Variants in KATNA1 observed in about 807,000 individuals in gnomAD.
The protein encoded by KATNA1 is katanin p60 ATPase-containing subunit A1.
Under a neutral mutation model 62.6 loss-of-function variants are expected in KATNA1, and 42 were observed. The observed-to-expected ratio is 0.67, with a 90% CI of 0.52 to 0.87. The LOEUF (loss-of-function observed/expected upper bound fraction) is 0.87, where lower values mean the gene tolerates loss of function less well. Ranked by LOEUF, KATNA1 falls within the 40% of genes least tolerant of loss-of-function variation. The pLI is 0.00. For synonymous variants in KATNA1, 186 were observed against 201.9 expected (o/e 0.92, Z 0.67); for missense variants, 498 against 612.5 (o/e 0.81, Z 1.97).
At chr6:149,600,359 G>T (rs540675043) in intron 7 of KATNA1, among the ~76,000 whole-genome samples, 2 of 151,966 alleles carry the variant, frequency 1.3e-5, no homozygotes. Context: ...AAGGCCAGGC[G>T]CAGTGGCTCA....
At chr6:149,627,950 G>T (rs1779682180) in intron 3 of KATNA1, among the ~76,000 whole-genome samples, 1 of 151,864 alleles carries the variant, frequency 6.6e-6, no homozygotes, top group African/African-American at 2.4e-5. Context: ...GGTCTCATAG[G>T]GCTTGAAAGA....
intron 2 of KATNA1, 23 bp from the exon 3 acceptor site, chr6:149,632,939 A>G (rs762502614): frequency 1.9e-6 from 3 of 1,578,854 alleles, no homozygotes; most frequent in Non-Finnish European, 2.6e-6. Context: ...AAGAAGATGG[A>G]TGTTTAAATT....
Position 149,612,447 on chromosome 6 carries a change from T to A in KATNA1, c.502-7665A>T, listed in dbSNP as rs560754232. ...TCTATTGAACCCAGGAGGCGGAGGT[T>A]GCAGTGAGCCAAGATCGCGCCACTG... On this transcript the variant is annotated intron_variant, in intron 4 of 10. Coordinates refer to ENST00000367411, the MANE Select transcript of KATNA1 (RefSeq NM_007044.4). 2.0e-5 allele frequency among the ~76,000 whole-genome samples: 3 copies of A among 152,246 alleles called. No individual in the cohort carries two copies. The East Asian group carries it at 5.8e-4, about 29-fold the overall frequency.
intron 1 of KATNA1, among the ~76,000 whole-genome samples, chr6:149,647,863 G>T (rs1044440279): frequency 1.3e-5 from 2 of 152,152 alleles, no homozygotes; most frequent in African/African-American, 4.8e-5. Flanking sequence ...TTAAATAAGA[G>T]CTTGAGATTA....
rs143896384 is a variant in KATNA1 at position 149,630,376 on chromosome 6, C to A, written c.320+2383G>T. 4.2e-3 allele frequency among the ~76,000 whole-genome samples: 639 copies of A among 152,328 alleles called. 5 individuals are homozygous for A. The highest frequency in any genetic ancestry group is 0.015 in the African/African-American group (614 of 41,578). On this transcript the variant is annotated intron_variant, in intron 3 of 10. Coordinates refer to ENST00000367411, the MANE Select transcript of KATNA1 (RefSeq NM_007044.4). ...GGGTGCGGTGGCTCACGCCTATAAT[C>A]CCAACATTTTGGGAGGCCAAGGCGA...
intron 3 of KATNA1, among the ~76,000 whole-genome samples, chr6:149,626,909 G>A (rs928854326): frequency 2.0e-5 from 3 of 151,720 alleles, no homozygotes; most frequent in Non-Finnish European, 2.9e-5. Context: ...GCTTGAACCC[G>A]GGAGGCGGAG....
chr6:149,641,547 A>T (rs1780291153), intron 1 of KATNA1, among the ~76,000 whole-genome samples: 1 of 152,146 alleles, frequency 6.6e-6, no homozygotes, highest in Non-Finnish European at 1.5e-5. Flanking sequence ...TGATCCAGAA[A>T]ACAAGAGAAA....
At position 149,601,724 on chromosome 6, in the gene KATNA1, G is replaced by A. The variant is rs770397288; in HGVS notation, c.758C>T (p.Thr253Met). ...TGCTTTAGCAAGGAGCGTCTTCCCCGTGCCAGGTGGGCCGACCATCAGTAC... is the reference window on the plus strand; with the variant it reads ...TGCTTTAGCAAGGAGCGTCTTCCCCATGCCAGGTGGGCCGACCATCAGTAC... ...KGVLMVGPPGTGKTLLAKAVA... is the reference protein window; with the variant it reads ...KGVLMVGPPGMGKTLLAKAVA... The change falls in exon 7 of 11, where the codon ACG becomes ATG. Residue 253 changes from threonine (T) to methionine (M), a missense_variant. By Grantham distance (81) the Thr-to-Met change is moderately conservative. Transcript: ENST00000367411. The A allele has an allele frequency of 1.9e-6, 3 of 1,607,332 alleles. No individual in the cohort carries two copies. The highest frequency in any genetic ancestry group is 2.2e-5 in the East Asian group (1 of 44,544).
intron 10 of KATNA1, 51 bp downstream of exon 10, chr6:149,597,012 A>T: frequency 1.3e-6 from 2 of 1,589,976 alleles, no homozygotes; most frequent in Non-Finnish European, 1.7e-6. Flanking sequence ...AAAAAACTTC[A>T]TACTAGAAGT....
At chr6:149,629,904 T>C (rs1779765866) in intron 3 of KATNA1, among the ~76,000 whole-genome samples, 1 of 152,150 alleles carries the variant, frequency 6.6e-6, no homozygotes, top group Non-Finnish European at 1.5e-5. Context: ...TCATCAGAAA[T>C]TGGGGCTAAA....
chr6:149,646,900 C>A (rs967973295), intron 1 of KATNA1, among the ~76,000 whole-genome samples: 1 of 152,114 alleles, frequency 6.6e-6, no homozygotes, highest in African/African-American at 2.4e-5. Flanking sequence ...GCTAAAAAAA[C>A]CCAAACTATT....
At chr6:149,606,202 A>C (rs866089706) in intron 4 of KATNA1, among the ~76,000 whole-genome samples, 1 of 152,336 alleles carries the variant, frequency 6.6e-6, no homozygotes, top group South Asian at 2.1e-4. Context: ...AACAGGGCCC[A>C]ATAGGTGTTA....
intron 3 of KATNA1, among the ~76,000 whole-genome samples, chr6:149,629,081 C>T (rs1031081410): frequency 6.6e-6 from 1 of 151,982 alleles, no homozygotes; most frequent in Admixed American, 6.6e-5. Context: ...TAACTTCCCA[C>T]CACCCCTCAG....
At chr6:149,610,753 A>G (rs1340300235) in intron 4 of KATNA1, among the ~76,000 whole-genome samples, 1 of 152,094 alleles carries the variant, frequency 6.6e-6, no homozygotes, top group Non-Finnish European at 1.5e-5. Flanking sequence ...TAGACAAGAA[A>G]AAAAGTCTCA....
At position 149,630,722 on chromosome 6, in the gene KATNA1, C is replaced by T. The variant is rs544894737; in HGVS notation, c.320+2037G>A. Among the ~76,000 whole-genome samples, 3 of 152,254 alleles carry T rather than the reference C, an allele frequency of 2.0e-5. No individual in the cohort carries two copies. In the East Asian group the frequency reaches 5.8e-4, roughly 29 times the overall value. ...AAGAACATGATGGTATGGGTCTTCT[C>T]AAAATGTGGCCTATGGACCACCGAC... On this transcript the variant is annotated intron_variant, in intron 3 of 10. Transcript: ENST00000367411.
At chr6:149,641,269 C>T (rs1475776412) in intron 1 of KATNA1, among the ~76,000 whole-genome samples, 2 of 151,468 alleles carry the variant, frequency 1.3e-5, no homozygotes, top group Non-Finnish European at 2.9e-5. Flanking sequence ...CTCCGCCTCC[C>T]GGGTTCATGC....
At chr6:149,609,150 GA>G (rs1778850643) in intron 4 of KATNA1, among the ~76,000 whole-genome samples, 1 of 152,076 alleles carries the variant, frequency 6.6e-6, no homozygotes, top group South Asian at 2.1e-4. Context: ...GAATGTACTT[GA>G]AAGATTATGA....
chr6:149,643,363 G>C (rs1481303730), intron 1 of KATNA1, among the ~76,000 whole-genome samples: 1 of 152,204 alleles, frequency 6.6e-6, no homozygotes, highest in Non-Finnish European at 1.5e-5. Flanking sequence ...CAGTGAAACA[G>C]TGAAAGAGAT....
At chr6:149,622,853 T>C (rs1421811228) in intron 4 of KATNA1, among the ~76,000 whole-genome samples, 2 of 10,396 alleles carry the variant, frequency 1.9e-4, no homozygotes, top group East Asian at 0.1. Flanking sequence ...TTACTAATAA[T>C]ACAAAATTAG....
Sources: gnomAD v4.1 joint callset for allele counts (sites outside exome capture counted in the v4.1 genomes callset) on GRCh38, gnomAD v4.1.1 for gene constraint, MANE v1.5 for transcripts, NCBI Gene and HGNC (gene_info 2026-07-23, HGNC 2026-07-21) for gene names.